RPS3A: variants seen among roughly 807,000 people sequenced by gnomAD.
RPS3A encodes small ribosomal subunit protein eS1.
In RPS3A, 1 loss-of-function variant was observed where a neutral mutation model predicts 26.4. That is an observed-to-expected ratio of 0.04 (90% CI 0.01 to 0.18). RPS3A has a LOEUF of 0.18. Ranked by LOEUF, RPS3A falls within the 10% of genes least tolerant of loss-of-function variation. The pLI, the probability that RPS3A is intolerant of heterozygous loss-of-function variation, is 1.00. For synonymous variants in RPS3A, 97 were observed against 106.1 expected, an observed-to-expected ratio of 0.91 and a Z score of 0.53; for missense variants, 139 against 326.8, an observed-to-expected ratio of 0.43 and a Z score of 4.43.
intron 1 of RPS3A, among the ~76,000 whole-genome samples, chr4:151,100,146 C>G (rs1747054641): frequency 6.6e-6 from 1 of 152,204 alleles, no homozygotes; most frequent in African/African-American, 2.4e-5. Context: ...CTCTTAGTTA[C>G]CAGTACATGC....
intron 1 of RPS3A, 76 bp from the exon 2 acceptor site, chr4:151,100,409 G>T: frequency 2.4e-6 from 2 of 830,278 alleles, no homozygotes; most frequent in South Asian, 3.1e-5. Flanking sequence ...AAATATTAAT[G>T]GGAAATACCA....
At chr4:151,102,730 A>T in intron 3 of RPS3A, 141 bp from the exon 4 acceptor site, 1 of 1,028,266 alleles carries the variant, frequency 9.7e-7, no homozygotes, top group South Asian at 1.7e-5. Context: ...TAATTCTGTA[A>T]ACTTAAAGAG....
chr4:151,104,136 C>A (rs750953265), intron 4 of RPS3A, 41 bp from the exon 5 acceptor site: 1 of 1,553,318 alleles, frequency 6.4e-7, no homozygotes, highest in Admixed American at 1.9e-5. Context: ...TATCTGAGAA[C>A]TAGGACTTTT....
intron 3 of RPS3A, chr4:151,102,063 T>C (rs769922374): frequency 9.6e-6 from 5 of 518,550 alleles, no homozygotes; most frequent in African/African-American, 1.9e-5. Flanking sequence ...TGGGAATGAA[T>C]GATGACAAAA....
intron 3 of RPS3A, chr4:151,102,254 T>C: frequency 2.0e-5 from 5 of 253,840 alleles, no homozygotes; most frequent in South Asian, 1.7e-4. Context: ...GGTAAATCAG[T>C]TTTCATCACT....
At chr4:151,099,902 C>T in intron 1 of RPS3A, 188 bp downstream of exon 1, 1 of 710,714 alleles carries the variant, frequency 1.4e-6, no homozygotes, top group Non-Finnish European at 2.5e-6. Context: ...GCTGCCTTTC[C>T]CAGGCCTTCT....
At chr4:151,100,934 T>C in intron 2 of RPS3A, 41 bp from the exon 3 acceptor site, 1 of 1,430,668 alleles carries the variant, frequency 7.0e-7, no homozygotes. Flanking sequence ...TTTGCTTATA[T>C]GGTTCCTAAA....
chr4:151,100,368 C>T (rs953319425), intron 1 of RPS3A, 117 bp from the exon 2 acceptor site: 6 of 635,728 alleles, frequency 9.4e-6, no homozygotes, highest in Admixed American at 8.0e-5. Flanking sequence ...GTGAGATATA[C>T]TTTGGTATCA....
intron 4 of RPS3A, chr4:151,103,903 T>C: frequency 6.8e-7 from 1 of 1,472,986 alleles, no homozygotes; most frequent in Non-Finnish European, 9.1e-7. Flanking sequence ...CCATGCAATA[T>C]ACAGTTAGCT....
At chr4:151,101,492 T>C (rs1747112111) in intron 3 of RPS3A, among the ~76,000 whole-genome samples, 1 of 152,162 alleles carries the variant, frequency 6.6e-6, no homozygotes, top group South Asian at 2.1e-4. Flanking sequence ...TTTTTTGACC[T>C]CAGAATTGAG....
chr4:151,101,069 T>G lies in RPS3A; in HGVS notation c.261T>G (p.Ile87Met), dbSNP rs754809934. The G allele has an allele frequency of 6.3e-7, 1 of 1,596,450 alleles. No individual in the cohort carries two copies. The highest frequency in any genetic ancestry group is 8.5e-7 in the Non-Finnish European group (1 of 1,169,754). The change falls in exon 3 of 6, where the codon ATT becomes ATG. Residue 87 changes from isoleucine to methionine, a missense_variant. Physicochemically the swap from Ile to Met is conservative, Grantham distance 10 (BLOSUM62 1). Transcript: ENST00000274065. The part of the protein sequence containing the change: ...DEVAFRKFKL[I>M]TEDVQGKNCL... ...TTGCATTTAGAAAATTCAAGCTGAT[T>G]ACTGAAGATGTTCAGGGTAAAAACT...
chr4:151,104,369 T>A, intron 5 of RPS3A, 83 bp downstream of exon 5: 2 of 1,518,308 alleles, frequency 1.3e-6, no homozygotes, highest in Non-Finnish European at 1.8e-6. Flanking sequence ...TATCATGGCC[T>A]TCTTTTTCTT....
In RPS3A at chr4:151,103,059, G is replaced by A. The variant is rs779406826; in HGVS notation, c.543G>A (p.Leu181=). 1.3e-6 allele frequency: 2 copies of A among 1,598,758 alleles called. No individual in the cohort carries two copies. Among genetic ancestry groups the A allele is most frequent in the Non-Finnish European group, 1.7e-6 (2 of 1,179,346 alleles). Residue 181 remains leucine, a synonymous_variant, in exon 4 of 6, where the codon TTG becomes TTA. Coordinates refer to ENST00000274065, the MANE Select transcript of RPS3A (RefSeq NM_001006.5). ...CCCGAGAGGTGCAGACAAATGACTT[G>A]AAAGAAGTGGTCAATAAATTGTAAG... ...IMTREVQTND[L]KEVVNKLIPD...
Position 151,101,128 on chromosome 4 carries a change from G to A in RPS3A, c.320G>A (p.Arg107His). ...LTNFHGMDLT[R>H]DKMCSMVKKW... ...AACTTCCATGGCATGGATCTTACCC[G>A]TGACAAAATGTGTTCCATGGTCAAA... is the stretch of plus-strand genomic sequence containing the variant. The change falls in exon 3 of 6, where the codon CGT becomes CAT. Residue 107 changes from arginine to histidine, a missense_variant. Coordinates refer to ENST00000274065, the MANE Select transcript of RPS3A (RefSeq NM_001006.5). The A allele has an allele frequency of 1.9e-6, 3 of 1,604,828 alleles. No individual in the cohort carries two copies.
chr4:151,100,436 C>G (rs1747069533), intron 1 of RPS3A, 49 bp from the exon 2 acceptor site: 3 of 1,020,520 alleles, frequency 2.9e-6, no homozygotes, highest in Non-Finnish European at 4.6e-6. Flanking sequence ...GTGAAAAATA[C>G]AGTAAGAATT....
In RPS3A at chr4:151,101,043, G is replaced by A. The variant is rs1448281761; in HGVS notation, c.235G>A (p.Val79Ile). The A allele has an allele frequency of 6.3e-7, 1 of 1,590,416 alleles. No homozygotes were observed. The highest frequency in any genetic ancestry group is 8.6e-7 in the Non-Finnish European group (1 of 1,168,858). ...VSLADLQNDEVAFRKFKLITE... is the reference protein window; with the variant it reads ...VSLADLQNDEIAFRKFKLITE... ...TCTTGCTGATTTGCAGAATGATGAA[G>A]TTGCATTTAGAAAATTCAAGCTGAT... The change falls in exon 3 of 6, where the codon GTT becomes ATT. Residue 79 changes from valine to isoleucine, a missense_variant. Around this residue, in one of 3 missense-constraint regions of RPS3A, gnomAD observed 8 missense variants for 56.9 expected, o/e 0.14. Transcript: ENST00000274065.
Position 151,104,198 on chromosome 4 carries a change from A to G in RPS3A, c.585A>G (p.Lys195=). The change falls in exon 5 of 6, where the codon AAA becomes AAG. Residue 195 remains lysine, a synonymous_variant. Coordinates refer to ENST00000274065, the MANE Select transcript of RPS3A (RefSeq NM_001006.5). ...GCAGGATTCCAGACAGCATTGGAAAAGACATAGAAAAGGCTTGCCAATCTA... is the reference window on the plus strand; with the variant it reads ...GCAGGATTCCAGACAGCATTGGAAAGGACATAGAAAAGGCTTGCCAATCTA... ...VNKLIPDSIG[K]DIEKACQSIY... is the part of the protein sequence containing the mutation. 6.2e-7 allele frequency: 1 copy of G among 1,611,332 alleles called. No individual in the cohort carries two copies. Among genetic ancestry groups the G allele is most frequent in the African/African-American group, 1.3e-5 (1 of 74,914 alleles).
intron 4 of RPS3A, 21 bp from the exon 5 acceptor site, chr4:151,104,155 AT>A: frequency 1.3e-6 from 2 of 1,588,908 alleles, no homozygotes; most frequent in Non-Finnish European, 1.7e-6. Context: ...TTAGAAAAAA[AT>A]TTACTGTTAC....
chr4:151,100,390 A>C (rs1747067719), intron 1 of RPS3A, 95 bp from the exon 2 acceptor site: 4 of 726,394 alleles, frequency 5.5e-6, no homozygotes, highest in Non-Finnish European at 9.5e-6. Context: ...ATTGCCGGTT[A>C]GCTTTTTAAA....
Sources: allele counts gnomAD v4.1 joint callset (sites outside exome capture counted in the v4.1 genomes callset), GRCh38; gene constraint gnomAD v4.1.1; regional missense constraint gnomAD v4.1.1; transcripts MANE v1.5; gene names NCBI Gene and HGNC (gene_info 2026-07-23, HGNC 2026-07-21).